The following COL21A1 variants were observed in gnomAD, a reference collection of about 807,000 sequenced individuals.
COL21A1 encodes collagen type XXI alpha 1 chain.
COL21A1 carries 149 observed loss-of-function variants against 137.9 expected under a neutral mutation model. The observed-to-expected ratio is 1.08, with a 90% CI of 0.95 to 1.24. COL21A1 has a LOEUF of 1.24. Ranked by LOEUF, COL21A1 falls within the 50% of genes most tolerant of loss-of-function variation. The pLI, the probability that COL21A1 is intolerant of heterozygous loss-of-function variation, is 0.00. For synonymous variants in COL21A1, 456 were observed against 391.5 expected, an observed-to-expected ratio of 1.16 and a Z score of -1.95; for missense variants, 1,167 against 1,158.4, an observed-to-expected ratio of 1.01 and a Z score of -0.11.
At chr6:56,206,697 AATATATATATATATATATATAT>A (rs1204449084) in intron 1 of COL21A1, among the ~76,000 whole-genome samples, 4 of 32,334 alleles carry the variant, frequency 1.2e-4, no homozygotes, top group African/African-American at 2.9e-4. Flanking sequence ...TAAATAAATA[AATATATATATATATATATATAT>A]ATATATATAT....
intron 1 of COL21A1, among the ~76,000 whole-genome samples, chr6:56,330,978 T>A (rs1232790612): frequency 5.3e-5 from 8 of 152,142 alleles, no homozygotes; most frequent in Non-Finnish European, 1.0e-4. Context: ...GACTTTTTAA[T>A]AATAGCCATT....
chr6:56,206,841 C>T (rs956425588), intron 1 of COL21A1, among the ~76,000 whole-genome samples: 2 of 151,656 alleles, frequency 1.3e-5, no homozygotes, highest in Admixed American at 6.6e-5. Context: ...CAAACAGTCT[C>T]TCAGACCAAA....
intron 1 of COL21A1, among the ~76,000 whole-genome samples, chr6:56,187,460 G>A (rs1778374486): frequency 6.6e-6 from 1 of 152,134 alleles, no homozygotes; most frequent in African/African-American, 2.4e-5. Context: ...CAGAAATCAA[G>A]AAAGCATGGT....
chr6:56,187,202 G>A (rs1778361496), intron 1 of COL21A1, among the ~76,000 whole-genome samples: 1 of 152,124 alleles, frequency 6.6e-6, no homozygotes, highest in Non-Finnish European at 1.5e-5. Flanking sequence ...TGGTGAGGGG[G>A]CTCAGGAGAG....
chr6:56,135,403 C>G (rs1208209704), intron 12 of COL21A1, among the ~76,000 whole-genome samples: 1 of 151,718 alleles, frequency 6.6e-6, no homozygotes, highest in Non-Finnish European at 1.5e-5. Context: ...CAATGAAAAT[C>G]AAACCAGTAT....
chr6:56,277,940 T>C (rs1290577248), intron 1 of COL21A1, among the ~76,000 whole-genome samples: 2 of 152,246 alleles, frequency 1.3e-5, no homozygotes, highest in Admixed American at 6.5e-5. Flanking sequence ...TTAATTCTCA[T>C]ATGTTTTTAT....
At chr6:56,248,679 G>A (rs1400335452), upstream of COL21A1, among the ~76,000 whole-genome samples, 1 of 152,148 alleles carries the variant, frequency 6.6e-6, no homozygotes, top group African/African-American at 2.4e-5. Context: ...TCTCCCTGTG[G>A]GAACAGGTTC....
At chr6:56,373,999 C>A (rs1483537219) in intron 1 of COL21A1, among the ~76,000 whole-genome samples, 1 of 152,192 alleles carries the variant, frequency 6.6e-6, no homozygotes, top group African/African-American at 2.4e-5. Flanking sequence ...AGATTCACAC[C>A]TTCCCAACTT....
At chr6:56,067,426 T>C in intron 22 of COL21A1, 96 bp from the exon 23 acceptor site, 1 of 1,085,786 alleles carries the variant, frequency 9.2e-7, no homozygotes, top group East Asian at 2.5e-5. Context: ...AAACAACATC[T>C]CGTGCAAACT....
Position 56,171,037 on chromosome 6 carries a change from C to T in COL21A1, c.732G>A (p.Lys244=). 6.2e-7 allele frequency: 1 copy of T among 1,607,342 alleles called. No individual in the cohort carries two copies. Residue 244 remains lysine (K), a synonymous_variant, in exon 4 of 30, where the codon AAG becomes AAA. Coordinates refer to ENST00000244728, the MANE Select transcript of COL21A1 (RefSeq NM_030820.4). The part of the protein sequence containing the change: ...LLGLDVNKKV[K]KRIQLSPKKI... The stretch of plus-strand genomic sequence containing the variant: ...TTTTTGGTGAAAGCTGTATTCTTTT[C>T]TTAACCTTTTTATTTACATCTAAAC...
At chr6:56,320,220 A>C (rs1764832485) in intron 1 of COL21A1, among the ~76,000 whole-genome samples, 1 of 152,042 alleles carries the variant, frequency 6.6e-6, no homozygotes, top group Non-Finnish European at 1.5e-5. Flanking sequence ...TCTTCCCCTA[A>C]TACCCTATAT....
chr6:56,255,703 A>G (rs1782953071), intron 1 of COL21A1, among the ~76,000 whole-genome samples: 1 of 152,198 alleles, frequency 6.6e-6, no homozygotes, highest in African/African-American at 2.4e-5. Flanking sequence ...CTGCTGTGGC[A>G]GAGTCATCTT....
intron 9 of COL21A1, among the ~76,000 whole-genome samples, chr6:56,158,266 C>CTTTTT (rs67453245): frequency 5.3e-4 from 33 of 62,410 alleles, no homozygotes; most frequent in East Asian, 1.6e-3. Context: ...TTTTTTTTTT[C>CTTTTT]TTTTTTTTTT....
chr6:56,186,022 CA>C (rs1239807582), intron 1 of COL21A1, among the ~76,000 whole-genome samples: 2 of 151,364 alleles, frequency 1.3e-5, no homozygotes, highest in African/African-American at 4.9e-5. Context: ...AAAGATATTA[CA>C]AAGTAAGAAA....
chr6:56,077,910 A>G (rs1002299341), intron 17 of COL21A1: 1 of 367,020 alleles, frequency 2.7e-6, no homozygotes, highest in Non-Finnish European at 5.2e-6. Context: ...GAATCATGCA[A>G]GAAAATCTGT....
chr6:56,208,776 A>G (rs972238592), intron 1 of COL21A1, among the ~76,000 whole-genome samples: 1 of 152,210 alleles, frequency 6.6e-6, no homozygotes, highest in Non-Finnish European at 1.5e-5. Flanking sequence ...TTCAAATTAT[A>G]CTACAAGGCT....
chr6:56,320,817 G>A (rs1045212914), intron 1 of COL21A1, among the ~76,000 whole-genome samples: 1 of 151,854 alleles, frequency 6.6e-6, no homozygotes, highest in African/African-American at 2.4e-5. Context: ...TTTCTTTTCT[G>A]CTTTACTTTT....
chr6:56,361,758 G>A (rs1003215142), intron 1 of COL21A1, among the ~76,000 whole-genome samples: 10 of 152,050 alleles, frequency 6.6e-5, no homozygotes, highest in African/African-American at 2.4e-4. Context: ...CTGCGTATGT[G>A]CGTGTGCGTG....
chr6:56,202,223 G>C (rs1779457092), intron 1 of COL21A1, among the ~76,000 whole-genome samples: 2 of 152,124 alleles, frequency 1.3e-5, no homozygotes, highest in Admixed American at 6.6e-5. Context: ...CAAAAATGCA[G>C]GGGTAAAGGC....
Sources: gnomAD v4.1 joint callset for allele counts (sites outside exome capture counted in the v4.1 genomes callset) on GRCh38, gnomAD v4.1.1 for gene constraint, MANE v1.5 for transcripts, NCBI Gene and HGNC (gene_info 2026-07-23, HGNC 2026-07-21) for gene names.